The following CAST variants were observed in gnomAD, a reference collection of about 807,000 sequenced individuals.
CAST encodes calpastatin, also known as MIR583 host.
CAST carries 76 observed loss-of-function variants against 119.6 expected under a neutral mutation model. The observed-to-expected ratio is 0.64, with a 90% CI of 0.53 to 0.77. The LOEUF (loss-of-function observed/expected upper bound fraction) is 0.77. CAST is among the 30% of genes least tolerant of loss of function. CAST has a pLI of 0.00. For missense variants in CAST, 953 were observed against 946.5 expected (o/e 1.01, Z -0.09); for synonymous variants, 319 against 331.6 (o/e 0.96, Z 0.41).
chr5:96,484,790 G>A, the CAST span, among the ~76,000 whole-genome samples: 1 of 151,986 alleles, frequency 6.6e-6, no homozygotes, highest in East Asian at 1.9e-4. Flanking sequence ...ACAGACCTAG[G>A]ATTTTTCTAT....
At position 96,667,940 on chromosome 5, in the gene CAST, G is replaced by A. The variant is rs184956857; in HGVS notation, c.75+5443G>A. On this transcript the variant is annotated intron_variant, in intron 1 of 31. Transcript: ENST00000675179. ...TGAGGCAGGAGAATGGCGTGAACCC[G>A]CGAGGCGGAGCTTGCAGTAAGCCGA... Among the ~76,000 whole-genome samples the A allele has an allele frequency of 4.6e-4, 70 of 152,294 alleles. 2 individuals are homozygous for A. In the East Asian group the frequency reaches 0.012, roughly 27 times the overall value.
chr5:96,365,770 CTT>C, the CAST span, among the ~76,000 whole-genome samples: 6 of 152,132 alleles, frequency 3.9e-5, no homozygotes, highest in Non-Finnish European at 7.3e-5. Context: ...GGTCTTGACT[CTT>C]TATCCAATTT....
chr5:96,467,486 C>T, the CAST span, among the ~76,000 whole-genome samples: 7 of 151,928 alleles, frequency 4.6e-5, no homozygotes, highest in African/African-American at 1.4e-4. Flanking sequence ...ATCCCTAATC[C>T]TCTTGGAGTT....
At chr5:96,354,957 G>A in the CAST span, among the ~76,000 whole-genome samples, 22 of 151,856 alleles carry the variant, frequency 1.4e-4, no homozygotes, top group Non-Finnish European at 5.9e-5. Flanking sequence ...ATTTTGGTCA[G>A]TACAGATTTC....
chr5:96,002,882 T>C, the CAST span, among the ~76,000 whole-genome samples: 2 of 152,192 alleles, frequency 1.3e-5, no homozygotes, highest in African/African-American at 4.8e-5. Context: ...TTTCTCTCAG[T>C]CTTTCTTATG....
chr5:96,674,083 C>T (rs996056983), intron 1 of CAST, among the ~76,000 whole-genome samples: 4 of 152,170 alleles, frequency 2.6e-5, no homozygotes, highest in African/African-American at 9.7e-5. Flanking sequence ...AGTAGCATAT[C>T]TGTTGATATG....
intron 1 of CAST, among the ~76,000 whole-genome samples, chr5:96,589,645 G>C (rs968884855): frequency 4.6e-5 from 7 of 152,126 alleles, no homozygotes; most frequent in African/African-American, 1.7e-4. Flanking sequence ...GTTACAATTT[G>C]AGGAGAAAGG....
chr5:96,544,397 C>T (rs2350241), intron 1 of CAST, among the ~76,000 whole-genome samples: 93,516 of 152,022 alleles, frequency 0.62, 29,117 homozygotes, highest in East Asian at 0.86. Flanking sequence ...ATATTAACCT[C>T]GATTCCAGCC....
intron 1 of CAST, among the ~76,000 whole-genome samples, chr5:96,582,171 G>T (rs1017905330): frequency 2.6e-5 from 4 of 151,804 alleles, no homozygotes; most frequent in African/African-American, 2.4e-5. Flanking sequence ...AAATTAGGCA[G>T]AGTGACCTTC....
chr5:95,987,646 G>A, the CAST span, among the ~76,000 whole-genome samples: 2 of 152,118 alleles, frequency 1.3e-5, no homozygotes, highest in African/African-American at 4.8e-5. Context: ...GTAAATCTGT[G>A]GACAAGTCAC....
the CAST span, chr5:96,415,923 T>A: frequency 1.3e-6 from 1 of 753,536 alleles, no homozygotes; most frequent in South Asian, 1.4e-5. Flanking sequence ...GGCATGGAAC[T>A]AATTTGTTCC....
chr5:96,457,520 C>T, the CAST span, among the ~76,000 whole-genome samples: 3 of 152,142 alleles, frequency 2.0e-5, no homozygotes, highest in Admixed American at 1.3e-4. Flanking sequence ...TCCCATGTTC[C>T]ACCTCACCTA....
chr5:96,050,691 A>G, the CAST span, among the ~76,000 whole-genome samples: 1 of 152,162 alleles, frequency 6.6e-6, no homozygotes, highest in Non-Finnish European at 1.5e-5. Context: ...CAGGAGTTGA[A>G]TGCTCCAATC....
At chr5:96,480,598 G>C in the CAST span, among the ~76,000 whole-genome samples, 1 of 152,276 alleles carries the variant, frequency 6.6e-6, no homozygotes, top group Non-Finnish European at 1.5e-5. Flanking sequence ...GGGAAAGTGA[G>C]ATATGGCCTA....
the CAST span, among the ~76,000 whole-genome samples, chr5:96,334,552 G>A: frequency 6.6e-5 from 10 of 152,242 alleles, no homozygotes; most frequent in East Asian, 1.9e-3. Flanking sequence ...TCTGCCACTG[G>A]CCCCTTTCTC....
At chr5:96,501,655 T>G in the CAST span, among the ~76,000 whole-genome samples, 2 of 152,174 alleles carry the variant, frequency 1.3e-5, no homozygotes, top group African/African-American at 4.8e-5. Context: ...AGATAAGTAA[T>G]GCAATGAACC....
intron 1 of CAST, among the ~76,000 whole-genome samples, chr5:96,592,800 T>C (rs1037000155): frequency 6.6e-6 from 1 of 151,852 alleles, no homozygotes; most frequent in Non-Finnish European, 1.5e-5. Context: ...AGTCTTGCTC[T>C]GTCGCCCAGG....
At chr5:96,408,149 C>T in the CAST span, 1 of 1,068,202 alleles carries the variant, frequency 9.4e-7, no homozygotes, top group Non-Finnish European at 1.4e-6. Context: ...ACCATGTATT[C>T]AGAAAAAAAA....
chr5:96,558,662 A>G (rs2150183964), intron 1 of CAST, among the ~76,000 whole-genome samples: 1 of 152,374 alleles, frequency 6.6e-6, no homozygotes, highest in South Asian at 2.1e-4. Context: ...AACCAGGAAG[A>G]AATTGAATGT....
Sources: allele counts gnomAD v4.1 joint callset (sites outside exome capture counted in the v4.1 genomes callset), GRCh38; gene constraint gnomAD v4.1.1; transcripts MANE v1.5; gene names NCBI Gene and HGNC (gene_info 2026-07-23, HGNC 2026-07-21).